SLC30A8: variants seen among roughly 807,000 people sequenced by gnomAD.
The protein encoded by SLC30A8 is proton-coupled zinc antiporter SLC30A8.
A neutral mutation model predicts 36.9 loss-of-function variants in SLC30A8; 27 were observed. The ratio of observed to expected loss-of-function variants is 0.73; its 90% CI spans 0.54 to 1.01. SLC30A8 has a LOEUF of 1.01. Among genes scored for constraint, SLC30A8 ranks in the 50% least tolerant of loss-of-function variants. The pLI is 0.00. For missense variants in SLC30A8, 439 were observed against 452.0 expected, an observed-to-expected ratio of 0.97 and a Z score of 0.26; for synonymous variants, 164 against 172.4, an observed-to-expected ratio of 0.95 and a Z score of 0.38.
At chr8:117,167,322 T>C (rs1199246759) in intron 6 of SLC30A8, among the ~76,000 whole-genome samples, 1 of 152,156 alleles carries the variant, frequency 6.6e-6, no homozygotes, top group Non-Finnish European at 1.5e-5. Flanking sequence ...ACTATGTTAG[T>C]ATAGTACTTA....
intron 2 of SLC30A8, among the ~76,000 whole-genome samples, chr8:117,056,805 A>C (rs1490741939): frequency 6.6e-6 from 1 of 152,162 alleles, no homozygotes; most frequent in African/African-American, 2.4e-5. Context: ...TGCAGTGTTC[A>C]CTGCTTGGAG....
chr8:117,146,963 C>G lies in SLC30A8; in HGVS notation c.81C>G (p.Leu27=). ...TCAAACTCATCCATAGTGTGGAACT[C>G]CAACAGAAACCGGTGAATAAAGATC... ...MYAFTLESVE[L]QQKPVNKDQC... Residue 27 remains leucine, a synonymous_variant, in exon 2 of 8, where the codon CTC becomes CTG. Coordinates refer to ENST00000456015, the MANE Select transcript of SLC30A8 (RefSeq NM_173851.3). 1 of 1,613,898 alleles carries G rather than the reference C, an allele frequency of 6.2e-7. No homozygotes were observed.
chr8:116,965,582 A>T (rs1330967980), intron 1 of SLC30A8, among the ~76,000 whole-genome samples: 1 of 152,162 alleles, frequency 6.6e-6, no homozygotes, highest in Non-Finnish European at 1.5e-5. Context: ...TGTGGTGTGA[A>T]TTCCACATCT....
intron 2 of SLC30A8, among the ~76,000 whole-genome samples, chr8:117,046,302 G>A (rs1038622848): frequency 6.6e-6 from 1 of 152,178 alleles, no homozygotes; most frequent in African/African-American, 2.4e-5. Flanking sequence ...AATTTGATAA[G>A]TCTTCCACTA....
intron 2 of SLC30A8, among the ~76,000 whole-genome samples, chr8:117,101,456 C>T (rs1387880178): frequency 3.3e-5 from 5 of 152,146 alleles, no homozygotes; most frequent in African/African-American, 1.2e-4. Flanking sequence ...TGCCTGTGAT[C>T]AGCCACTGAA....
At chr8:117,035,356 A>G (rs1046698354) in intron 1 of SLC30A8, among the ~76,000 whole-genome samples, 1 of 152,268 alleles carries the variant, frequency 6.6e-6, no homozygotes, top group Admixed American at 6.5e-5. Context: ...AAGGGGCTGT[A>G]GGCCCCATGC....
intron 2 of SLC30A8, among the ~76,000 whole-genome samples, chr8:117,089,181 G>C (rs1213142908): frequency 1.3e-5 from 2 of 152,006 alleles, no homozygotes; most frequent in Non-Finnish European, 2.9e-5. Flanking sequence ...GGTTTTCACT[G>C]TACAATCTAC....
intron 1 of SLC30A8, among the ~76,000 whole-genome samples, chr8:116,991,213 A>G (rs960861922): frequency 2.6e-5 from 4 of 151,824 alleles, no homozygotes; most frequent in Admixed American, 2.0e-4. Flanking sequence ...ACTCTCAAAT[A>G]CTCATTCTAC....
intron 1 of SLC30A8, among the ~76,000 whole-genome samples, chr8:116,964,511 C>T (rs1201910216): frequency 6.6e-6 from 1 of 152,162 alleles, no homozygotes; most frequent in East Asian, 1.9e-4. Flanking sequence ...ATATCTGGTG[C>T]ACGTGGAGCT....
intron 2 of SLC30A8, among the ~76,000 whole-genome samples, chr8:117,104,871 C>T (rs142234439): frequency 4.7e-4 from 71 of 152,288 alleles, no homozygotes; most frequent in African/African-American, 1.4e-3. Context: ...ATTCCTGGAA[C>T]TGGGGGTTCC....
chr8:116,993,271 A>C (rs1815707032), intron 1 of SLC30A8, among the ~76,000 whole-genome samples: 1 of 151,192 alleles, frequency 6.6e-6, no homozygotes, highest in Non-Finnish European at 1.5e-5. Flanking sequence ...AACCCTAAAA[A>C]ATTTTACCCA....
intron 2 of SLC30A8, among the ~76,000 whole-genome samples, chr8:117,090,151 A>G (rs1036717974): frequency 6.6e-6 from 1 of 151,994 alleles, no homozygotes; most frequent in Non-Finnish European, 1.5e-5. Context: ...TTTGGTAGAG[A>G]TGGGGTTTCA....
At chr8:117,102,826 T>C (rs1819787139) in intron 2 of SLC30A8, among the ~76,000 whole-genome samples, 1 of 152,100 alleles carries the variant, frequency 6.6e-6, no homozygotes, top group African/African-American at 2.4e-5. Flanking sequence ...ATGATGCATC[T>C]CAACTTGATT....
chr8:117,126,130 C>A (rs1020491848), intron 2 of SLC30A8, among the ~76,000 whole-genome samples: 1 of 151,674 alleles, frequency 6.6e-6, no homozygotes, highest in Non-Finnish European at 1.5e-5. Context: ...TTTTTTATGG[C>A]AAAAAACGTC....
chr8:117,156,400 T>C (rs1314535693), intron 3 of SLC30A8, among the ~76,000 whole-genome samples: 2 of 152,218 alleles, frequency 1.3e-5, no homozygotes, highest in Admixed American at 1.3e-4. Context: ...CCATAATCTA[T>C]GGCAACTTGT....
chr8:117,045,705 G>A (rs1485759906), intron 2 of SLC30A8, among the ~76,000 whole-genome samples: 2 of 152,186 alleles, frequency 1.3e-5, no homozygotes, highest in Non-Finnish European at 2.9e-5. Context: ...TACTCTGCTC[G>A]CAGCAGCAGT....
At chr8:117,073,570 T>C (rs559645617) in intron 2 of SLC30A8, among the ~76,000 whole-genome samples, 1 of 152,350 alleles carries the variant, frequency 6.6e-6, no homozygotes, top group Non-Finnish European at 1.5e-5. Flanking sequence ...GATACTTCTT[T>C]CTACTCTACA....
intron 1 of SLC30A8, among the ~76,000 whole-genome samples, chr8:117,009,558 A>G (rs966928692): frequency 3.3e-5 from 5 of 152,234 alleles, no homozygotes; most frequent in African/African-American, 1.2e-4. Context: ...ACAAATCCCC[A>G]GTGACCTGAG....
chr8:117,115,937 G>A (rs1431869143), intron 2 of SLC30A8, among the ~76,000 whole-genome samples: 1 of 152,074 alleles, frequency 6.6e-6, no homozygotes, highest in African/African-American at 2.4e-5. Context: ...TGCATTTGCA[G>A]AGCAAGCACA....
Sources: allele counts gnomAD v4.1 joint callset (sites outside exome capture counted in the v4.1 genomes callset), GRCh38; gene constraint gnomAD v4.1.1; transcripts MANE v1.5; gene names NCBI Gene and HGNC (gene_info 2026-07-23, HGNC 2026-07-21).